PLCL2: variants seen among roughly 807,000 people sequenced by gnomAD.
PLCL2 encodes inactive phospholipase C-like protein 2.
PLCL2 carries 4 observed loss-of-function variants against 79.6 expected under a neutral mutation model. The observed-to-expected ratio is 0.05, with a 90% CI of 0.02 to 0.11. The LOEUF (loss-of-function observed/expected upper bound fraction) is 0.11, where lower values mean the gene tolerates loss of function less well. PLCL2 is among the 10% of genes least tolerant of loss of function. The pLI, the probability that PLCL2 is intolerant of heterozygous loss-of-function variation, is 1.00. For missense variants in PLCL2, 895 were observed against 1,291.0 expected (o/e 0.69, Z 4.70); for synonymous variants, 484 against 457.7 (o/e 1.06, Z -0.73).
At chr3:17,074,959 T>C (rs2065095602) in intron 5 of PLCL2, among the ~76,000 whole-genome samples, 1 of 152,264 alleles carries the variant, frequency 6.6e-6, no homozygotes, top group South Asian at 2.1e-4. Flanking sequence ...AAGGCAGTTT[T>C]GCTTTCTTAT....
chr3:16,975,414 T>A (rs1008820103), intron 1 of PLCL2, among the ~76,000 whole-genome samples: 2 of 152,194 alleles, frequency 1.3e-5, no homozygotes, highest in African/African-American at 4.8e-5. Flanking sequence ...AAATATCTAG[T>A]GTAGAGCATA....
At chr3:16,891,297 T>C (rs1472152435) in intron 1 of PLCL2, among the ~76,000 whole-genome samples, 1 of 152,198 alleles carries the variant, frequency 6.6e-6, no homozygotes, top group East Asian at 1.9e-4. Flanking sequence ...CCTCCTCTCA[T>C]AGCATTGTTG....
chr3:17,028,471 C>CT (rs889468001), intron 3 of PLCL2, among the ~76,000 whole-genome samples: 36 of 145,070 alleles, frequency 2.5e-4, no homozygotes, highest in Admixed American at 9.0e-4. Context: ...TAGCTTGATC[C>CT]TTTTTTTTTT....
At chr3:17,074,609 T>C (rs972911753) in intron 5 of PLCL2, among the ~76,000 whole-genome samples, 2 of 152,252 alleles carry the variant, frequency 1.3e-5, no homozygotes, top group East Asian at 1.9e-4. Context: ...CTTCTTTCAA[T>C]AGAAGGCTGT....
At chr3:16,990,601 C>T (rs1438624935) in intron 1 of PLCL2, among the ~76,000 whole-genome samples, 1 of 152,168 alleles carries the variant, frequency 6.6e-6, no homozygotes, top group Non-Finnish European at 1.5e-5. Context: ...GTAAGTAAGA[C>T]TCGAGGACTT....
chr3:16,924,930 T>G (rs1697209702), intron 1 of PLCL2, among the ~76,000 whole-genome samples: 1 of 151,364 alleles, frequency 6.6e-6, no homozygotes. Flanking sequence ...CAAGTTTGTT[T>G]GTTTTTTTTT....
chr3:16,931,160 T>TA (rs947916435), intron 1 of PLCL2, among the ~76,000 whole-genome samples: 14 of 151,846 alleles, frequency 9.2e-5, no homozygotes, highest in African/African-American at 2.4e-4. Flanking sequence ...GCCATTTATT[T>TA]TTTTTTTTAA....
rs17043005 is a variant in PLCL2, at chr3:17,020,183, C to G, written c.3018+5272C>G. On this transcript the variant is annotated intron_variant, in intron 3 of 5. Coordinates refer to ENST00000615277, the MANE Select transcript of PLCL2 (RefSeq NM_001144382.2). ...GTTTAAAATTGTTATGAGACCTGTA[C>G]TAACATATAGAGACCAAGGAGTCAA... 2.6e-4 allele frequency among the ~76,000 whole-genome samples: 39 copies of G among 152,246 alleles called. No individual in the cohort carries two copies. In the East Asian group the frequency reaches 7.3e-3, roughly 29 times the overall value.
chr3:17,015,966 A>G (rs2064379042), intron 3 of PLCL2, among the ~76,000 whole-genome samples: 1 of 152,240 alleles, frequency 6.6e-6, no homozygotes, highest in Non-Finnish European at 1.5e-5. Flanking sequence ...AATATCACAT[A>G]GGGGAAGGGT....
chr3:16,998,540 ACAT>A (rs1468833809), intron 1 of PLCL2, among the ~76,000 whole-genome samples: 1 of 152,220 alleles, frequency 6.6e-6, no homozygotes, highest in African/African-American at 2.4e-5. Context: ...AAATGTATTA[ACAT>A]CATTATTTTC....
chr3:16,996,202 G>A (rs931817652), intron 1 of PLCL2, among the ~76,000 whole-genome samples: 1 of 152,162 alleles, frequency 6.6e-6, no homozygotes, highest in Non-Finnish European at 1.5e-5. Flanking sequence ...CTTAGCACAT[G>A]GAGAGCACTC....
chr3:16,982,774 C>A (rs548532116), intron 1 of PLCL2, among the ~76,000 whole-genome samples: 1 of 151,768 alleles, frequency 6.6e-6, no homozygotes, highest in Non-Finnish European at 1.5e-5. Context: ...TCTACAGCTA[C>A]GTATTTTCTT....
At chr3:17,067,255 A>G (rs1344728642) in intron 4 of PLCL2, among the ~76,000 whole-genome samples, 2 of 152,194 alleles carry the variant, frequency 1.3e-5, no homozygotes, top group African/African-American at 2.4e-5. Flanking sequence ...TATTAGAGTT[A>G]TATTGGTGTG....
At chr3:17,076,489 A>G (rs2065109333) in intron 5 of PLCL2, among the ~76,000 whole-genome samples, 2 of 151,802 alleles carry the variant, frequency 1.3e-5, no homozygotes, top group South Asian at 2.1e-4. Context: ...ATTAGTTTTT[A>G]AGTACTTTCT....
At chr3:17,006,154 A>G (rs564057074) in intron 1 of PLCL2, among the ~76,000 whole-genome samples, 4 of 152,360 alleles carry the variant, frequency 2.6e-5, no homozygotes, top group African/African-American at 9.6e-5. Flanking sequence ...TTGCATTACA[A>G]GGCAGCATAA....
At chr3:16,943,203 T>C (rs2063568010) in intron 1 of PLCL2, among the ~76,000 whole-genome samples, 1 of 152,226 alleles carries the variant, frequency 6.6e-6, no homozygotes, top group Admixed American at 6.5e-5. Context: ...CTGAATAATA[T>C]CCTTGTGCTT....
At chr3:16,949,949 A>G (rs1050720345) in intron 1 of PLCL2, among the ~76,000 whole-genome samples, 3 of 152,130 alleles carry the variant, frequency 2.0e-5, no homozygotes, top group Admixed American at 6.5e-5. Flanking sequence ...TATATTTTGA[A>G]TTCCCTTGTA....
intron 5 of PLCL2, among the ~76,000 whole-genome samples, chr3:17,072,757 G>T (rs2065073285): frequency 6.6e-6 from 1 of 151,326 alleles, no homozygotes; most frequent in Non-Finnish European, 1.5e-5. Context: ...CATGTTAAAA[G>T]TATTCATATT....
intron 1 of PLCL2, among the ~76,000 whole-genome samples, chr3:16,958,032 A>G (rs946670297): frequency 1.3e-5 from 2 of 152,180 alleles, no homozygotes; most frequent in Admixed American, 6.5e-5. Flanking sequence ...ATTTACATTT[A>G]AAGTTAATAT....
Sources: gnomAD v4.1 joint callset for allele counts (sites outside exome capture counted in the v4.1 genomes callset) on GRCh38, gnomAD v4.1.1 for gene constraint, MANE v1.5 for transcripts, NCBI Gene and HGNC (gene_info 2026-07-23, HGNC 2026-07-21) for gene names.